Variants in RCHY1 observed in about 807,000 individuals in gnomAD.
The protein encoded by RCHY1 is RING finger and CHY zinc finger domain-containing protein 1.
Under a neutral mutation model 41.6 loss-of-function variants are expected in RCHY1, and 21 were observed. The observed-to-expected ratio is 0.51, with a 90% CI of 0.36 to 0.73. The LOEUF (loss-of-function observed/expected upper bound fraction) is 0.73, where lower values mean the gene tolerates loss of function less well. Ranked by LOEUF, RCHY1 falls within the 30% of genes least tolerant of loss-of-function variation. The probability of loss-of-function intolerance (pLI) is 0.00; values close to 1 mark genes in which losing one functional copy is unlikely to be tolerated. For synonymous variants in RCHY1, 79 were observed against 102.9 expected (o/e 0.77, Z 1.41); for missense variants, 265 against 325.3 (o/e 0.81, Z 1.43).
At chr4:75,492,017 A>T in intron 4 of RCHY1, 84 bp from the exon 5 acceptor site, 1 of 1,003,856 alleles carries the variant, frequency 1.0e-6, no homozygotes. Flanking sequence ...AAAAATTAAC[A>T]AAACCAACTT....
intron 3 of RCHY1, among the ~76,000 whole-genome samples, chr4:75,507,377 T>C (rs116326063): frequency 2.0e-5 from 3 of 151,286 alleles, no homozygotes; most frequent in African/African-American, 4.9e-5. Context: ...AACAAGCCTA[T>C]AGAGAATAAA....
chr4:75,493,461 G>GTC (rs567645146), intron 4 of RCHY1, among the ~76,000 whole-genome samples: 32 of 151,302 alleles, frequency 2.1e-4, no homozygotes, highest in African/African-American at 6.3e-4. Context: ...ATGTCTATCT[G>GTC]TCTCTCTCTC....
Position 75,491,726 on chromosome 4 carries a change from A to G in RCHY1, c.507T>C (p.His169=). The G allele has an allele frequency of 1.2e-6, 2 of 1,612,240 alleles. No individual in the cohort carries two copies. Among genetic ancestry groups the G allele is most frequent in the East Asian group, 2.2e-5 (1 of 44,808 alleles). ...AHVLPCGHLL[H]RTCYEEMLKE... is the part of the protein sequence containing the mutation. ...TTGAGAAAAAGATGTTACTTTACCT[A>G]TGTAAAAGATGTCCACATGGCAAGA... Residue 169 remains histidine, a splice_region_variant and synonymous_variant, in exon 6 of 9, where the codon CAT becomes CAC. Transcript: ENST00000324439.
At chr4:75,505,702 T>C (rs1724231060) in intron 3 of RCHY1, among the ~76,000 whole-genome samples, 2 of 152,038 alleles carry the variant, frequency 1.3e-5, no homozygotes, top group African/African-American at 4.8e-5. Context: ...AATGACGAAA[T>C]AGCTTCTATA....
rs780070041 is a variant in RCHY1, at chr4:75,509,333, GC to G, written c.91-38del. On this transcript the variant is annotated intron_variant, in intron 1 of 8. Transcript: ENST00000324439. ...GGAGAAAAAAGAGATATAGTAAGAA[GC>G]AAAAGAAACTAAGTGTGCAATACAA... The G allele has an allele frequency of 8.1e-6, 13 of 1,595,262 alleles. No homozygotes were observed. In the Admixed American group the frequency reaches 2.2e-4, roughly 27 times the overall value.
chr4:75,490,113 C>A (rs1392239542), intron 8 of RCHY1, among the ~76,000 whole-genome samples: 1 of 152,032 alleles, frequency 6.6e-6, no homozygotes, highest in Admixed American at 6.6e-5. Flanking sequence ...AAAAAGGGGT[C>A]TCCTGTGTGC....
intron 7 of RCHY1, 137 bp downstream of exon 7, chr4:75,491,474 C>G: frequency 2.9e-6 from 2 of 695,888 alleles, no homozygotes; most frequent in South Asian, 4.2e-5. Flanking sequence ...TAACAATATT[C>G]ATCTACCCTA....
chr4:75,492,674 A>G (rs1722853833), intron 4 of RCHY1, among the ~76,000 whole-genome samples: 1 of 152,000 alleles, frequency 6.6e-6, no homozygotes, highest in Non-Finnish European at 1.5e-5. Context: ...TAATATAGAC[A>G]ATAAAAGATA....
chr4:75,512,062 G>C (rs555988873), intron 1 of RCHY1, among the ~76,000 whole-genome samples: 1 of 152,228 alleles, frequency 6.6e-6, no homozygotes, highest in East Asian at 1.9e-4. Flanking sequence ...TACACTCATA[G>C]ATAACAATCC....
chr4:75,487,783 TAATA>T (rs1722330814), intron 8 of RCHY1, among the ~76,000 whole-genome samples: 2 of 97,728 alleles, frequency 2.0e-5, no homozygotes, highest in South Asian at 5.5e-4. Context: ...TATATATTCA[TAATA>T]TATATATTCA....
chr4:75,490,553 C>A, intron 8 of RCHY1, 28 bp downstream of exon 8: 1 of 1,586,162 alleles, frequency 6.3e-7, no homozygotes, highest in Non-Finnish European at 8.6e-7. Flanking sequence ...AAGGAGTCTA[C>A]AAAGTTTTAA....
At position 75,514,378 on chromosome 4, in the gene RCHY1, G is replaced by C. The variant is rs939266543; in HGVS notation, c.-92C>G. The C allele has an allele frequency of 7.2e-7, 1 of 1,385,972 alleles. No individual in the cohort carries two copies. The allele number at this position is 1,385,972 out of a possible 1,614,324, so 85.9% of individuals were successfully genotyped here. On this transcript the variant is annotated 5_prime_UTR_variant, in exon 1 of 9. Coordinates refer to ENST00000324439, the MANE Select transcript of RCHY1 (RefSeq NM_015436.4). The stretch of plus-strand genomic sequence containing the variant: ...GCGCCTCTCTAGCACACCCCTCCCA[G>C]CCCCAGCGGCCACTAGCGACAATAT...
intron 1 of RCHY1, 26 bp downstream of exon 1, chr4:75,514,171 A>C: frequency 1.9e-6 from 3 of 1,593,246 alleles, no homozygotes; most frequent in Non-Finnish European, 2.6e-6. Flanking sequence ...GAAGCTTGTC[A>C]GGGAAGAGTC....
Position 75,481,205 on chromosome 4 carries a change from G to C in RCHY1, c.*1333C>G, listed in dbSNP as rs1023685854. ...GTCCCAAACTGCTGCCTTTATCTAG[G>C]TGAATAAATTTCAACAAAAGAAGAA... On this transcript the variant is annotated 3_prime_UTR_variant, in exon 9 of 9. Transcript: ENST00000324439. The C allele has an allele frequency of 6.6e-6, 1 of 152,130 alleles. No homozygotes were observed. Among genetic ancestry groups the C allele is most frequent in the Non-Finnish European group, 1.5e-5 (1 of 68,000 alleles). The allele number at this position is 152,130 out of a possible 1,614,324, so 9.4% of individuals were successfully genotyped here.
rs1725321924 is a variant in RCHY1 at position 75,514,317 on chromosome 4, C to T, written c.-31G>A. ...CCACCTCCCCTCACATTCCACCGAT[C>T]CTTCCCCCAGGATAAAAACCACGCC... On this transcript the variant is annotated 5_prime_UTR_variant, in exon 1 of 9. Coordinates refer to ENST00000324439, the MANE Select transcript of RCHY1 (RefSeq NM_015436.4). 1 of 1,598,970 alleles carries T rather than the reference C, an allele frequency of 6.3e-7. No homozygotes were observed. The highest frequency in any genetic ancestry group is 1.3e-5 in the African/African-American group (1 of 74,730).
intron 8 of RCHY1, among the ~76,000 whole-genome samples, chr4:75,487,916 T>C (rs1016353883): frequency 7.4e-6 from 1 of 134,504 alleles, no homozygotes; most frequent in African/African-American, 2.8e-5. Flanking sequence ...TATATATAAA[T>C]GTGATCCTAT....
At chr4:75,507,223 A>G (rs1411463551) in intron 3 of RCHY1, among the ~76,000 whole-genome samples, 1 of 152,106 alleles carries the variant, frequency 6.6e-6, no homozygotes, top group African/African-American at 2.4e-5. Flanking sequence ...GTAAATATAT[A>G]ACAACAATAG....
intron 1 of RCHY1, among the ~76,000 whole-genome samples, chr4:75,510,776 T>C (rs1266048573): frequency 6.6e-6 from 1 of 152,218 alleles, no homozygotes; most frequent in Non-Finnish European, 1.5e-5. Flanking sequence ...TTACTTCTTT[T>C]TAAAAGTAAC....
chr4:75,487,796 C>CATAATATATATATTCATA (rs775887886), intron 8 of RCHY1, among the ~76,000 whole-genome samples: 7 of 49,602 alleles, frequency 1.4e-4, no homozygotes, highest in African/African-American at 3.1e-4. Context: ...TATATATATT[C>CATAATATATATATTCATA]ATATATATAT....
Sources: allele counts gnomAD v4.1 joint callset (sites outside exome capture counted in the v4.1 genomes callset), GRCh38; gene constraint gnomAD v4.1.1; transcripts MANE v1.5; gene names NCBI Gene and HGNC (gene_info 2026-07-23, HGNC 2026-07-21).